SERINC5: variants seen among roughly 807,000 people sequenced by gnomAD.
SERINC5 encodes the protein serine incorporator 5.
Under a neutral mutation model 63.1 loss-of-function variants are expected in SERINC5, and 41 were observed. The observed-to-expected ratio is 0.65, with a 90% CI of 0.51 to 0.84. The LOEUF is 0.84. Ranked by LOEUF, SERINC5 falls within the 40% of genes least tolerant of loss-of-function variation. The pLI, the probability that SERINC5 is intolerant of heterozygous loss-of-function variation, is 0.00. For missense variants in SERINC5, 523 were observed against 573.0 expected, an observed-to-expected ratio of 0.91 and a Z score of 0.89; for synonymous variants, 222 against 215.2, an observed-to-expected ratio of 1.03 and a Z score of -0.28.
At chr5:80,209,272 A>G (rs1333999001) in intron 1 of SERINC5, among the ~76,000 whole-genome samples, 1 of 152,224 alleles carries the variant, frequency 6.6e-6, no homozygotes, top group Non-Finnish European at 1.5e-5. Flanking sequence ...CTCTGTCTCA[A>G]CGAAAAAGGT....
At chr5:80,224,286 G>A (rs1465198110) in intron 1 of SERINC5, among the ~76,000 whole-genome samples, 1 of 152,022 alleles carries the variant, frequency 6.6e-6, no homozygotes, top group African/African-American at 2.4e-5. Flanking sequence ...AGACCACCCT[G>A]GGCAAAGTGG....
chr5:80,146,137 G>A lies in SERINC5; in HGVS notation c.1191C>T (p.Phe397=). Residue 397 remains phenylalanine, a synonymous_variant, in exon 11 of 12, where the codon TTC becomes TTT. Transcript: ENST00000507668. ...VYIYSYFHFV[F]FLASLYVMMT... is the part of the protein sequence containing the mutation. ...TCATCACATACAGGGAAGCTAGGAAGAACACGAAGTGGAAGTAGGAGTAGA... is the reference window on the plus strand; with the variant it reads ...TCATCACATACAGGGAAGCTAGGAAAAACACGAAGTGGAAGTAGGAGTAGA... 2 of 1,614,022 alleles carry A rather than the reference G, an allele frequency of 1.2e-6. No homozygotes were observed. Among genetic ancestry groups the A allele is most frequent in the Non-Finnish European group, 8.5e-7 (1 of 1,179,864 alleles).
intron 1 of SERINC5, among the ~76,000 whole-genome samples, chr5:80,218,481 A>G (rs998717289): frequency 1.3e-5 from 2 of 152,186 alleles, no homozygotes; most frequent in Non-Finnish European, 2.9e-5. Flanking sequence ...CAGAGGTTGC[A>G]GTGAGCCAAG....
intron 7 of SERINC5, among the ~76,000 whole-genome samples, chr5:80,159,984 G>A (rs1028188359): frequency 1.3e-5 from 2 of 152,154 alleles, no homozygotes; most frequent in Admixed American, 6.5e-5. Flanking sequence ...TATTTCCTGA[G>A]ATCTGTGAGC....
At chr5:80,212,149 A>G (rs1169883892) in intron 1 of SERINC5, among the ~76,000 whole-genome samples, 1 of 152,212 alleles carries the variant, frequency 6.6e-6, no homozygotes, top group Non-Finnish European at 1.5e-5. Context: ...AAAGCTAAGG[A>G]AAGACATCAA....
chr5:80,187,037 A>G (rs1044649733), intron 2 of SERINC5, among the ~76,000 whole-genome samples: 2 of 152,036 alleles, frequency 1.3e-5, no homozygotes, highest in Non-Finnish European at 2.9e-5. Context: ...GTGGTGGCAC[A>G]CGTCTGTAGT....
chr5:80,180,815 G>T (rs1337208398), intron 2 of SERINC5, among the ~76,000 whole-genome samples: 1 of 152,216 alleles, frequency 6.6e-6, no homozygotes, highest in Non-Finnish European at 1.5e-5. Context: ...TCCTGTCTTT[G>T]TTCTGCACCT....
At chr5:80,227,422 T>C (rs1751218029) in intron 1 of SERINC5, among the ~76,000 whole-genome samples, 1 of 152,086 alleles carries the variant, frequency 6.6e-6, no homozygotes, top group African/African-American at 2.4e-5. Context: ...GTGCCGTCTC[T>C]AGAGCAGAGC....
chr5:80,118,714 A>ATTTTTTTTT (rs34814066), intron 11 of SERINC5, among the ~76,000 whole-genome samples: 5 of 108,254 alleles, frequency 4.6e-5, no homozygotes, highest in African/African-American at 1.1e-4. Context: ...TGTCCAGCTA[A>ATTTTTTTTT]TTTTTTTTTT....
intron 1 of SERINC5, among the ~76,000 whole-genome samples, chr5:80,249,908 T>C (rs935393054): frequency 9.9e-5 from 15 of 152,182 alleles, no homozygotes; most frequent in Non-Finnish European, 2.1e-4. Context: ...TTTCCCTCTG[T>C]TTCACAAATA....
In SERINC5 at chr5:80,148,860, C is replaced by T. The variant is rs56981092; in HGVS notation, c.1054-1576G>A. On this transcript the variant is annotated intron_variant, in intron 9 of 11. Transcript: ENST00000507668. ...ATCTCATTTGTGTATCAAGGCCAAG[C>T]CCTTGTTTCCCTGCTTGGCAAGGAA... 1.7e-4 allele frequency among the ~76,000 whole-genome samples: 26 copies of T among 152,184 alleles called. No homozygotes were observed. In the East Asian group the frequency reaches 4.4e-3, roughly 26 times the overall value.
Position 80,203,070 on chromosome 5 carries a change from A to G in SERINC5, c.28-17T>C. Reference sequence around the variant, plus strand: ...GCAGGCCAGCTAGAAAAGGAACAGAAGGCATCTGCTTAGAGCATGATACTG... The same window carrying G: ...GCAGGCCAGCTAGAAAAGGAACAGAGGGCATCTGCTTAGAGCATGATACTG... On this transcript the variant is annotated splice_polypyrimidine_tract_variant and intron_variant, in intron 1 of 11. Transcript: ENST00000507668. 6.3e-7 allele frequency: 1 copy of G among 1,589,784 alleles called. No homozygotes were observed. Among genetic ancestry groups the G allele is most frequent in the Non-Finnish European group, 8.6e-7 (1 of 1,167,314 alleles).
intron 1 of SERINC5, among the ~76,000 whole-genome samples, chr5:80,208,668 G>A (rs17199847): frequency 0.097 from 14,765 of 152,172 alleles, 749 homozygotes; most frequent in East Asian, 0.16. Context: ...ATTCACACAC[G>A]CAAAAGGGAG....
intron 2 of SERINC5, among the ~76,000 whole-genome samples, chr5:80,194,093 A>G (rs1276056432): frequency 1.3e-5 from 2 of 152,226 alleles, no homozygotes; most frequent in Non-Finnish European, 1.5e-5. Context: ...CACATAAGGT[A>G]CAACAGTACC....
At chr5:80,181,404 G>C (rs928824915) in intron 2 of SERINC5, among the ~76,000 whole-genome samples, 2 of 144,762 alleles carry the variant, frequency 1.4e-5, no homozygotes, top group African/African-American at 5.3e-5. Context: ...GCACCACCAA[G>C]CTCAGCTAAT....
chr5:80,231,759 T>C (rs951484287), intron 1 of SERINC5, among the ~76,000 whole-genome samples: 1 of 152,132 alleles, frequency 6.6e-6, no homozygotes, highest in Non-Finnish European at 1.5e-5. Flanking sequence ...GATATTCAAA[T>C]GCAAAACAAT....
In SERINC5 at chr5:80,203,053, G is replaced by T; in HGVS notation, c.28C>A (p.Leu10Met). MSAQCCAGQ[L>M]ACCCGSAGCS... The stretch of plus-strand genomic sequence containing the variant: ...CCTGCAGACCCACAGCAGCAGGCCA[G>T]CTAGAAAAGGAACAGAAGGCATCTG... Residue 10 changes from leucine (L) to methionine (M), a missense_variant and splice_region_variant, in exon 2 of 12, where the codon CTG becomes ATG. By Grantham distance (15) the Leu-to-Met change is conservative. Transcript: ENST00000507668. The T allele has an allele frequency of 6.2e-7, 1 of 1,602,338 alleles. No individual in the cohort carries two copies. The highest frequency in any genetic ancestry group is 8.5e-7 in the Non-Finnish European group (1 of 1,173,916).
At position 80,177,405 on chromosome 5, in the gene SERINC5, T is replaced by C. The variant is rs756534153; in HGVS notation, c.375-8A>G. On this transcript the variant is annotated splice_polypyrimidine_tract_variant and splice_region_variant and intron_variant, in intron 3 of 11. Transcript: ENST00000507668. ...AGTTTAAAGAACCAAAAGCTAGAAG[T>C]GGGGGGAAAAAAAAGAGGAAATGTA... The C allele has an allele frequency of 1.3e-5, 21 of 1,606,798 alleles. No individual in the cohort carries two copies. The African/African-American group carries it at 2.8e-4, about 22-fold the overall frequency.
chr5:80,124,438 C>T (rs374618266), intron 11 of SERINC5, among the ~76,000 whole-genome samples: 4 of 152,194 alleles, frequency 2.6e-5, no homozygotes, highest in African/African-American at 9.7e-5. Flanking sequence ...ACCTTGCAAC[C>T]TCTCTATAGT....
Sources: allele counts gnomAD v4.1 joint callset (sites outside exome capture counted in the v4.1 genomes callset), GRCh38; gene constraint gnomAD v4.1.1; transcripts MANE v1.5; gene names NCBI Gene and HGNC (gene_info 2026-07-23, HGNC 2026-07-21).